The following PRKCB variants were observed in gnomAD, a reference collection of about 807,000 sequenced individuals.
PRKCB encodes the protein protein kinase C beta type.
A neutral mutation model predicts 81.5 loss-of-function variants in PRKCB; 13 were observed. The observed-to-expected ratio is 0.16, with a 90% CI of 0.10 to 0.25. The LOEUF is 0.25. Ranked by LOEUF, PRKCB falls within the 10% of genes least tolerant of loss-of-function variation. The pLI, the probability that PRKCB is intolerant of heterozygous loss-of-function variation, is 1.00. For missense variants in PRKCB, 509 were observed against 875.7 expected (o/e 0.58, Z 5.29); for synonymous variants, 335 against 321.4 (o/e 1.04, Z -0.45).
chr16:24,062,116 C>A (rs185973614), intron 5 of PRKCB, among the ~76,000 whole-genome samples: 1 of 152,288 alleles, frequency 6.6e-6, no homozygotes, highest in Admixed American at 6.5e-5. Context: ...TATCAGTAAG[C>A]ATTTGCTGTG....
intron 2 of PRKCB, among the ~76,000 whole-genome samples, chr16:23,930,288 G>C (rs543221703): frequency 6.6e-6 from 1 of 152,206 alleles, no homozygotes; most frequent in East Asian, 1.9e-4. Flanking sequence ...ATTTATGGAA[G>C]CCTGGCATGG....
At chr16:24,124,902 G>C (rs139824457) in intron 9 of PRKCB, among the ~76,000 whole-genome samples, 31 of 152,270 alleles carry the variant, frequency 2.0e-4, no homozygotes, top group African/African-American at 7.5e-4. Context: ...AATTCTGACA[G>C]TTCCTTCAAA....
At chr16:23,948,697 G>A (rs970739968) in intron 2 of PRKCB, among the ~76,000 whole-genome samples, 15 of 152,210 alleles carry the variant, frequency 9.9e-5, no homozygotes, top group Non-Finnish European at 1.6e-4. Flanking sequence ...GTGAGCCACC[G>A]TGCCTGGCCC....
At position 24,076,782 on chromosome 16, in the gene PRKCB, G is replaced by C. The variant is rs188823970; in HGVS notation, c.530-16009G>C. Reference sequence around the variant, plus strand: ...CATCTGCTGATGGCCAGGGTCACTGGAATATTTGCCTCTGTCTGGGCAGAG... The same window carrying C: ...CATCTGCTGATGGCCAGGGTCACTGCAATATTTGCCTCTGTCTGGGCAGAG... On this transcript the variant is annotated intron_variant, in intron 5 of 16. Transcript: ENST00000643927. Among the ~76,000 whole-genome samples the C allele has an allele frequency of 3.9e-5, 6 of 152,316 alleles. No individual in the cohort carries two copies. In the East Asian group the frequency reaches 1.2e-3, roughly 29 times the overall value.
At chr16:23,954,093 G>A (rs1028120664) in intron 2 of PRKCB, among the ~76,000 whole-genome samples, 1 of 152,014 alleles carries the variant, frequency 6.6e-6, no homozygotes, top group African/African-American at 2.4e-5. Flanking sequence ...TGTGCACAAT[G>A]TGCAGGTTTG....
At chr16:23,918,160 C>T (rs931012548) in intron 2 of PRKCB, among the ~76,000 whole-genome samples, 3 of 151,910 alleles carry the variant, frequency 2.0e-5, no homozygotes, top group Non-Finnish European at 4.4e-5. Context: ...TGTTTTGACA[C>T]TTGGAGGGAT....
intron 7 of PRKCB, among the ~76,000 whole-genome samples, chr16:24,101,462 C>T (rs535675562): frequency 2.6e-4 from 40 of 152,244 alleles, no homozygotes; most frequent in African/African-American, 9.1e-4. Context: ...TCACTTGGGC[C>T]CAGGAGGTTG....
chr16:24,077,397 C>CTCCATCCATCCATCCA (rs5816242), intron 5 of PRKCB, among the ~76,000 whole-genome samples: 2 of 150,534 alleles, frequency 1.3e-5, no homozygotes, highest in East Asian at 3.9e-4. Flanking sequence ...GCATTCATCT[C>CTCCATCCATCCATCCA]TCCATCCATC....
chr16:24,220,023 C>T lies in PRKCB; in HGVS notation c.*5207C>T, dbSNP rs148637931. 163 of 1,614,084 alleles carry T rather than the reference C, an allele frequency of 1.0e-4. No homozygotes were observed. The African/African-American group carries it at 1.9e-3, about 19-fold the overall frequency. On this transcript the variant is annotated 3_prime_UTR_variant, in exon 17 of 17. Transcript: ENST00000643927. ...TCACCAGACAGCCTGTGGAACTGAC[C>T]CCCACTGATAAACTCTTCATCATGA... is the stretch of plus-strand genomic sequence containing the variant.
chr16:24,142,417 C>T (rs979568110), intron 9 of PRKCB, among the ~76,000 whole-genome samples: 20 of 152,194 alleles, frequency 1.3e-4, no homozygotes, highest in African/African-American at 4.6e-4. Context: ...AAATCCTGCT[C>T]CTGAGTGGGT....
chr16:24,142,561 T>C (rs890689292), intron 9 of PRKCB, among the ~76,000 whole-genome samples: 2 of 152,196 alleles, frequency 1.3e-5, no homozygotes, highest in Admixed American at 1.3e-4. Context: ...AGCCTCCCAA[T>C]GTTTAGAAGG....
chr16:23,982,393 C>T (rs560457348), intron 2 of PRKCB, among the ~76,000 whole-genome samples: 23 of 147,186 alleles, frequency 1.6e-4, no homozygotes, highest in African/African-American at 5.0e-4. Flanking sequence ...CCTTCCCCTT[C>T]GCTTCTGCTT....
At chr16:24,056,112 C>G (rs1164742745) in intron 5 of PRKCB, among the ~76,000 whole-genome samples, 1 of 152,258 alleles carries the variant, frequency 6.6e-6, no homozygotes, top group East Asian at 1.9e-4. Flanking sequence ...GTGATTTCAA[C>G]TCAGGGATGG....
chr16:24,096,569 A>G (rs1381377917), intron 7 of PRKCB, among the ~76,000 whole-genome samples: 3 of 150,560 alleles, frequency 2.0e-5, no homozygotes, highest in Non-Finnish European at 4.4e-5. Context: ...GCCACAGATC[A>G]TAGATGTACT....
At chr16:24,184,680 CAA>C (rs1967676434) in intron 13 of PRKCB, among the ~76,000 whole-genome samples, 1 of 151,992 alleles carries the variant, frequency 6.6e-6, no homozygotes, top group Non-Finnish European at 1.5e-5. Context: ...AAAATAGTGA[CAA>C]ATGTTGTTAT....
At chr16:24,079,983 T>C (rs1240354770) in intron 5 of PRKCB, among the ~76,000 whole-genome samples, 1 of 152,214 alleles carries the variant, frequency 6.6e-6, no homozygotes, top group African/African-American at 2.4e-5. Flanking sequence ...AAGATAATTA[T>C]ATAGTTTTTC....
chr16:24,165,883 C>CTTT lies in PRKCB; in HGVS notation c.1240-6366_1240-6364dup, dbSNP rs71154285. 5.3e-3 allele frequency among the ~76,000 whole-genome samples: 497 copies of CTTT among 93,944 alleles called. 14 individuals carry two copies. Among genetic ancestry groups the CTTT allele is most frequent in the African/African-American group, 0.016 (414 of 26,324 alleles). The allele number at this position is 93,944 out of a possible 152,430, so 61.6% of individuals were successfully genotyped here. A position where few individuals can be genotyped will look rare whatever the true frequency, so the allele number is the denominator to read the frequency against. On this transcript the variant is annotated intron_variant, in intron 10 of 16. Transcript: ENST00000643927. ...AAAGATTTTTTTCTTTTCTTTCTTT[C>CTTT]TTTTTTTTTTTTTTTTTTTTTTTGA...
chr16:23,867,470 C>A (rs1394099981), intron 2 of PRKCB, among the ~76,000 whole-genome samples: 5 of 152,178 alleles, frequency 3.3e-5, no homozygotes, highest in African/African-American at 4.8e-5. Flanking sequence ...ATTTATTGGA[C>A]AATTGTATTT....
rs139516069 is a variant in PRKCB at position 24,010,237 on chromosome 16, G to A, written c.288+21647G>A. Among the ~76,000 whole-genome samples, 447 of 152,302 alleles carry A rather than the reference G, an allele frequency of 2.9e-3. 4 individuals are homozygous for A. Among genetic ancestry groups the A allele is most frequent in the African/African-American group, 0.01 (434 of 41,558 alleles). ...AACACCCTATCTGAAAGGGGCAGCG[G>A]CACTCAGCTCCGTTTCCTAATTCCT... is the stretch of plus-strand genomic sequence containing the variant. On this transcript the variant is annotated intron_variant, in intron 3 of 16. Coordinates refer to ENST00000643927, the MANE Select transcript of PRKCB (RefSeq NM_002738.7).
Sources: gnomAD v4.1 joint callset for allele counts (sites outside exome capture counted in the v4.1 genomes callset) on GRCh38, gnomAD v4.1.1 for gene constraint, MANE v1.5 for transcripts, NCBI Gene and HGNC (gene_info 2026-07-23, HGNC 2026-07-21) for gene names.